CFAP299: variants seen among roughly 807,000 people sequenced by gnomAD.
CFAP299 encodes the protein cilia and flagella associated protein 299.
CFAP299 carries 21 observed loss-of-function variants against 27.0 expected under a neutral mutation model. That is an observed-to-expected ratio of 0.78 (90% CI 0.55 to 1.12). The LOEUF (loss-of-function observed/expected upper bound fraction) is 1.12, where lower values mean the gene tolerates loss of function less well. Among genes scored for constraint, CFAP299 ranks in the 50% most tolerant of loss-of-function variants. CFAP299 has a pLI of 0.00. For missense variants in CFAP299, 310 were observed against 276.6 expected (o/e 1.12, Z -0.86); for synonymous variants, 104 against 98.1 (o/e 1.06, Z -0.36).
chr4:80,387,008 C>A, intron 2 of CFAP299: 1 of 1,197,076 alleles, frequency 8.4e-7, no homozygotes, highest in South Asian at 1.2e-5. Flanking sequence ...GGTGGGTTGG[C>A]AGATGACGCT....
At chr4:80,644,360 T>C (rs1330207968) in intron 3 of CFAP299, among the ~76,000 whole-genome samples, 1 of 152,140 alleles carries the variant, frequency 6.6e-6, no homozygotes, top group Non-Finnish European at 1.5e-5. Context: ...TTGTTTCATT[T>C]TCACTCAGGT....
At chr4:80,920,879 C>T (rs955999633) in intron 4 of CFAP299, among the ~76,000 whole-genome samples, 4 of 152,060 alleles carry the variant, frequency 2.6e-5, no homozygotes, top group African/African-American at 7.2e-5. Context: ...AAATTTGCCA[C>T]TAAAAATACT....
intron 2 of CFAP299, among the ~76,000 whole-genome samples, chr4:80,375,582 C>T (rs1247201517): frequency 6.6e-6 from 1 of 152,150 alleles, no homozygotes; most frequent in East Asian, 1.9e-4. Context: ...CACAGACTAG[C>T]CTCTCTGAAA....
intron 3 of CFAP299, among the ~76,000 whole-genome samples, chr4:80,806,709 G>A (rs1295842077): frequency 2.0e-5 from 3 of 152,202 alleles, no homozygotes; most frequent in Non-Finnish European, 4.4e-5. Context: ...GGAATTTGCT[G>A]GGTCAGCAAG....
intron 3 of CFAP299, among the ~76,000 whole-genome samples, chr4:80,611,011 A>G (rs1008820136): frequency 2.6e-5 from 4 of 152,040 alleles, no homozygotes; most frequent in African/African-American, 9.7e-5. Context: ...TTGTAACTTC[A>G]TGGCCAAATG....
chr4:80,517,387 C>G (rs1413410839), intron 2 of CFAP299, among the ~76,000 whole-genome samples: 1 of 152,058 alleles, frequency 6.6e-6, no homozygotes, highest in Non-Finnish European at 1.5e-5. Context: ...ATATTCCAAA[C>G]CATGGGAAGA....
intron 2 of CFAP299, among the ~76,000 whole-genome samples, chr4:80,467,472 C>T (rs1261743203): frequency 6.6e-6 from 1 of 152,176 alleles, no homozygotes; most frequent in East Asian, 1.9e-4. Flanking sequence ...ATTCCCCACT[C>T]TACCTTTATT....
chr4:80,343,792 C>T (rs1453609448), intron 1 of CFAP299, among the ~76,000 whole-genome samples: 1 of 113,136 alleles, frequency 8.8e-6, no homozygotes, highest in African/African-American at 3.6e-5. Context: ...CAGAGCGAGA[C>T]TCCGTCTAAA....
At chr4:80,721,821 G>T (rs1722833706) in intron 3 of CFAP299, among the ~76,000 whole-genome samples, 1 of 151,834 alleles carries the variant, frequency 6.6e-6, no homozygotes, top group Non-Finnish European at 1.5e-5. Flanking sequence ...AGACCAAAAA[G>T]AAAAAAACTG....
chr4:80,568,217 T>C (rs1045232588), intron 2 of CFAP299, among the ~76,000 whole-genome samples: 2 of 151,298 alleles, frequency 1.3e-5, no homozygotes, highest in Admixed American at 6.6e-5. Context: ...TGTATGCTTC[T>C]AATTGGTCTA....
At chr4:80,876,243 C>T (rs1157150581) in intron 4 of CFAP299, among the ~76,000 whole-genome samples, 1 of 151,732 alleles carries the variant, frequency 6.6e-6, no homozygotes, top group Non-Finnish European at 1.5e-5. Context: ...TGTGTCACCA[C>T]CCAAATCTCA....
intron 3 of CFAP299, among the ~76,000 whole-genome samples, chr4:80,658,584 T>G (rs1474230965): frequency 1.3e-5 from 2 of 152,028 alleles, no homozygotes; most frequent in Non-Finnish European, 1.5e-5. Flanking sequence ...TACAAAAGCT[T>G]AAACCAGGAA....
At chr4:80,646,277 GC>G (rs1171247007) in intron 3 of CFAP299, among the ~76,000 whole-genome samples, 2 of 152,146 alleles carry the variant, frequency 1.3e-5, no homozygotes, top group African/African-American at 4.8e-5. Context: ...AAAGAAAGGG[GC>G]AGGCATGCTT....
At chr4:80,772,863 A>C (rs763896566) in intron 3 of CFAP299, among the ~76,000 whole-genome samples, 5 of 152,192 alleles carry the variant, frequency 3.3e-5, no homozygotes, top group Non-Finnish European at 5.9e-5. Flanking sequence ...TATTGGGCAT[A>C]TACCCAAAGG....
At chr4:80,772,312 T>C (rs2110084653) in intron 3 of CFAP299, among the ~76,000 whole-genome samples, 1 of 152,262 alleles carries the variant, frequency 6.6e-6, no homozygotes, top group East Asian at 1.9e-4. Flanking sequence ...AATAGTGTGG[T>C]GCAGGTCTCT....
intron 3 of CFAP299, among the ~76,000 whole-genome samples, chr4:80,832,319 A>ACCG (rs1730340603): frequency 6.6e-6 from 1 of 152,162 alleles, no homozygotes; most frequent in South Asian, 2.1e-4. Context: ...TTAAACTCTA[A>ACCG]ATTAAGCTTG....
At chr4:80,664,581 C>T (rs969581411) in intron 3 of CFAP299, among the ~76,000 whole-genome samples, 4 of 152,164 alleles carry the variant, frequency 2.6e-5, no homozygotes, top group African/African-American at 9.7e-5. Context: ...CCCCTCTCCC[C>T]ACCAAGCTCA....
chr4:80,639,540 T>C (rs1739619971), intron 3 of CFAP299, among the ~76,000 whole-genome samples: 1 of 152,044 alleles, frequency 6.6e-6, no homozygotes, highest in South Asian at 2.1e-4. Context: ...TAAACCACAT[T>C]TGAGAAAAAG....
chr4:80,764,603 C>G (rs570559793), intron 3 of CFAP299, among the ~76,000 whole-genome samples: 1 of 152,098 alleles, frequency 6.6e-6, no homozygotes, highest in East Asian at 1.9e-4. Flanking sequence ...GGTATATACC[C>G]AGAGTATTAT....
Sources: allele counts gnomAD v4.1 joint callset (sites outside exome capture counted in the v4.1 genomes callset), GRCh38; gene constraint gnomAD v4.1.1; transcripts MANE v1.5; gene names NCBI Gene and HGNC (gene_info 2026-07-23, HGNC 2026-07-21).